The following TMEM50A variants were observed in gnomAD, a reference collection of about 807,000 sequenced individuals.
TMEM50A encodes transmembrane protein 50A, also known as cervical cancer oncogene 9.
TMEM50A carries 8 observed loss-of-function variants against 23.9 expected under a neutral mutation model. The observed-to-expected ratio is 0.33, with a 90% CI of 0.20 to 0.60. The LOEUF (loss-of-function observed/expected upper bound fraction) is 0.60, where lower values mean the gene tolerates loss of function less well. TMEM50A is among the 20% of genes least tolerant of loss of function. TMEM50A has a pLI of 0.81. For missense variants in TMEM50A, 178 were observed against 192.7 expected (o/e 0.92, Z 0.45); for synonymous variants, 55 against 60.4 (o/e 0.91, Z 0.41).
chr1:25,347,214 T>C (rs533981385), intron 3 of TMEM50A, among the ~76,000 whole-genome samples: 2 of 152,016 alleles, frequency 1.3e-5, no homozygotes, highest in South Asian at 4.2e-4. Flanking sequence ...ACCTCTACCA[T>C]TGTCCATCAG....
intron 4 of TMEM50A, 51 bp downstream of exon 4, chr1:25,351,744 G>A: frequency 2.7e-6 from 4 of 1,501,186 alleles, no homozygotes; most frequent in Non-Finnish European, 2.7e-6. Context: ...TCCTTAAGAT[G>A]AGTATTTCAC....
intron 3 of TMEM50A, among the ~76,000 whole-genome samples, 187 bp downstream of exon 3, chr1:25,343,260 C>G (rs1442242573): frequency 6.6e-6 from 1 of 152,088 alleles, no homozygotes; most frequent in African/African-American, 2.4e-5. Flanking sequence ...TTTTGTGTAC[C>G]TCTCCACTCC....
chr1:25,360,635 G>A, intron 6 of TMEM50A, 25 bp from the exon 7 acceptor site: 2 of 1,613,498 alleles, frequency 1.2e-6, no homozygotes, highest in South Asian at 1.1e-5. Flanking sequence ...AGGGAGTCAT[G>A]TGATATTTCT....
rs370424992 is a variant in TMEM50A, at chr1:25,341,028, G to A, written c.93+449G>A. Reference sequence around the variant, plus strand: ...GGAATAATACAGAGAAGATTAGCATGGCCCCTTAAAATTTTTTTTTAAAAA... The same window carrying A: ...GGAATAATACAGAGAAGATTAGCATAGCCCCTTAAAATTTTTTTTTAAAAA... On this transcript the variant is annotated intron_variant, in intron 2 of 6. Coordinates refer to ENST00000374358, the MANE Select transcript of TMEM50A (RefSeq NM_014313.4). Among the ~76,000 whole-genome samples, 251 of 152,046 alleles carry A rather than the reference G, an allele frequency of 1.7e-3. 3 individuals are homozygous for A. In the South Asian group the frequency reaches 0.029, roughly 17 times the overall value.
intron 3 of TMEM50A, among the ~76,000 whole-genome samples, chr1:25,347,497 C>G (rs1303249171): frequency 6.6e-6 from 1 of 152,190 alleles, no homozygotes; most frequent in African/African-American, 2.4e-5. Context: ...CTTGGCCTCC[C>G]AAAGTGCTGG....
intron 6 of TMEM50A, among the ~76,000 whole-genome samples, chr1:25,357,553 G>GTGT (rs1645346128): frequency 6.7e-6 from 1 of 148,182 alleles, no homozygotes. Context: ...GTGTGTGTGT[G>GTGT]TGTGTGTGTT....
chr1:25,356,963 A>G (rs1645339785), intron 6 of TMEM50A, 110 bp downstream of exon 6: 4 of 707,692 alleles, frequency 5.7e-6, no homozygotes, highest in Non-Finnish European at 9.1e-6. Context: ...CCCCTCCCCC[A>G]TGATATTTTC....
At chr1:25,340,364 C>A in intron 1 of TMEM50A, 110 bp from the exon 2 acceptor site, 1 of 633,470 alleles carries the variant, frequency 1.6e-6, no homozygotes, top group Non-Finnish European at 2.7e-6. Context: ...CAAAATAAAG[C>A]ATTTGTAATT....
At chr1:25,342,713 G>T in intron 2 of TMEM50A, 1 of 255,364 alleles carries the variant, frequency 3.9e-6, no homozygotes, top group Non-Finnish European at 7.5e-6. Flanking sequence ...AGATTACAAG[G>T]CTTTATTATG....
chr1:25,340,380 T>G, intron 1 of TMEM50A, 94 bp from the exon 2 acceptor site: 1 of 737,210 alleles, frequency 1.4e-6, no homozygotes, highest in Non-Finnish European at 2.2e-6. Context: ...TAATTTCACT[T>G]TTATCTAATT....
chr1:25,352,968 G>A lies in TMEM50A; in HGVS notation c.361G>A (p.Ala121Thr). ...GTGGATTCTTTTTGGAGGTTATGTT[G>A]CTAAAGGTAAGAGAAAACATAGGTT... ...SMWILFGGYV[A>T]KEKDIVYPGI... Residue 121 changes from alanine (A) to threonine (T), a missense_variant, in exon 5 of 7, where the codon GCT becomes ACT. Transcript: ENST00000374358. The A allele has an allele frequency of 6.2e-7, 1 of 1,612,422 alleles. No homozygotes were observed. Among genetic ancestry groups the A allele is most frequent in the East Asian group, 2.2e-5 (1 of 44,834 alleles).
At position 25,362,254 on chromosome 1, in the gene TMEM50A, T is replaced by C; in HGVS notation, c.*1549T>C. The C allele has an allele frequency of 1.5e-6, 1 of 671,250 alleles. No individual in the cohort carries two copies. Among genetic ancestry groups the C allele is most frequent in the Non-Finnish European group, 2.4e-6 (1 of 408,446 alleles). The allele number at this position is 671,250 out of a possible 1,614,324, so 41.6% of individuals were successfully genotyped here. A position where few individuals can be genotyped will look rare whatever the true frequency, so the allele number is the denominator to read the frequency against. On this transcript the variant is annotated 3_prime_UTR_variant, in exon 7 of 7. Transcript: ENST00000374358. ...AGAATCTTAAGAATTGTCAATAAAA[T>C]TAACCCAAAACTTTAATAATGTGTC...
Position 25,362,070 on chromosome 1 carries a change from G to C in TMEM50A, c.*1365G>C. On this transcript the variant is annotated 3_prime_UTR_variant, in exon 7 of 7. Transcript: ENST00000374358. Reference sequence around the variant, plus strand: ...TTCCCCACAGTGCAATTCAGAATATGCTCAGGGAATGCCAGCCACCTTGTA... The same window carrying C: ...TTCCCCACAGTGCAATTCAGAATATCCTCAGGGAATGCCAGCCACCTTGTA... 1 of 304,588 alleles carries C rather than the reference G, an allele frequency of 3.3e-6. No individual in the cohort carries two copies. The highest frequency in any genetic ancestry group is 6.3e-6 in the Non-Finnish European group (1 of 159,336). 18.9% of individuals were successfully genotyped at this position (304,588 alleles called of 1,614,324 possible).
chr1:25,340,744 A>C (rs1322957711), intron 2 of TMEM50A, among the ~76,000 whole-genome samples, 165 bp downstream of exon 2: 1 of 152,192 alleles, frequency 6.6e-6, no homozygotes, highest in East Asian at 1.9e-4. Context: ...CCACTTTAAG[A>C]GTTTATGGTT....
intron 3 of TMEM50A, among the ~76,000 whole-genome samples, chr1:25,347,334 C>A (rs1645229747): frequency 6.6e-6 from 1 of 151,924 alleles, no homozygotes; most frequent in African/African-American, 2.4e-5. Flanking sequence ...CTCCTGAATT[C>A]AAGCAATTTT....
At chr1:25,343,570 T>G (rs1203246232) in intron 3 of TMEM50A, among the ~76,000 whole-genome samples, 2 of 151,960 alleles carry the variant, frequency 1.3e-5, no homozygotes, top group African/African-American at 4.8e-5. Flanking sequence ...TTAAAAAATT[T>G]TTTTTTTTAT....
At chr1:25,356,762 AAC>A in intron 5 of TMEM50A, 29 bp from the exon 6 acceptor site, 1 of 1,485,602 alleles carries the variant, frequency 6.7e-7, no homozygotes, top group Non-Finnish European at 9.2e-7. Flanking sequence ...TTGAGATCAT[AAC>A]CCTCTAAACA....
chr1:25,351,511 T>TAA (rs66744254), intron 3 of TMEM50A, 115 bp from the exon 4 acceptor site: 7 of 583,838 alleles, frequency 1.2e-5, no homozygotes, highest in African/African-American at 5.9e-5. Flanking sequence ...CCTGTATCTT[T>TAA]AAAAAAAAAA....
In TMEM50A at chr1:25,351,767, C is replaced by T. The variant is rs1645277805; in HGVS notation, c.274+74C>T. 6 of 1,284,008 alleles carry T rather than the reference C, an allele frequency of 4.7e-6. No homozygotes were observed. In the South Asian group the frequency reaches 6.6e-5, roughly 14 times the overall value. 79.5% of individuals were successfully genotyped at this position (1,284,008 alleles called of 1,614,324 possible). Reference sequence around the variant, plus strand: ...ATGAGTATTTCACATGGAAATACCACTTTTCTATTTGTTTTAATATATCTG... The same window carrying T: ...ATGAGTATTTCACATGGAAATACCATTTTTCTATTTGTTTTAATATATCTG... On this transcript the variant is annotated intron_variant, in intron 4 of 6. Transcript: ENST00000374358.
Sources: allele counts gnomAD v4.1 joint callset (sites outside exome capture counted in the v4.1 genomes callset), GRCh38; gene constraint gnomAD v4.1.1; transcripts MANE v1.5; gene names NCBI Gene and HGNC (gene_info 2026-07-23, HGNC 2026-07-21).